The following PTPRC variants were observed in gnomAD, a reference collection of about 807,000 sequenced individuals.
The protein encoded by PTPRC is protein tyrosine phosphatase receptor type C, also known as receptor-type tyrosine-protein phosphatase C.
PTPRC carries 44 observed loss-of-function variants against 155.9 expected under a neutral mutation model. The ratio of observed to expected loss-of-function variants is 0.28; its 90% CI spans 0.22 to 0.36. The LOEUF (loss-of-function observed/expected upper bound fraction) is 0.36, where lower values mean the gene tolerates loss of function less well. Among genes scored for constraint, PTPRC ranks in the 10% least tolerant of loss-of-function variants. The pLI is 1.00. For missense variants in PTPRC, 1,401 were observed against 1,564.6 expected (o/e 0.90, Z 1.76); for synonymous variants, 525 against 533.1 (o/e 0.98, Z 0.21).
intron 2 of PTPRC, among the ~76,000 whole-genome samples, chr1:198,643,862 AAGGG>A (rs1220517142): frequency 6.6e-5 from 10 of 152,074 alleles, no homozygotes; most frequent in African/African-American, 2.4e-4. Context: ...GATTGCTTGC[AAGGG>A]CAGATGGAAT....
intron 2 of PTPRC, among the ~76,000 whole-genome samples, chr1:198,668,217 T>A (rs970940259): frequency 1.3e-5 from 2 of 152,248 alleles, no homozygotes; most frequent in Non-Finnish European, 2.9e-5. Context: ...TCTTTTTTTT[T>A]ATTTTTGTTT....
At chr1:198,728,304 C>A in intron 15 of PTPRC, 36 bp from the exon 16 acceptor site, 1 of 1,544,244 alleles carries the variant, frequency 6.5e-7, no homozygotes, top group Non-Finnish European at 8.9e-7. Flanking sequence ...AGTTATTTGA[C>A]AATCGTTCTC....
intron 7 of PTPRC, among the ~76,000 whole-genome samples, chr1:198,704,193 T>C (rs1558009353): frequency 6.6e-6 from 1 of 152,204 alleles, no homozygotes; most frequent in African/African-American, 2.4e-5. Flanking sequence ...TCAGCCATGT[T>C]GCCATACCGC....
chr1:198,695,588 A>G (rs1308656364), intron 3 of PTPRC, among the ~76,000 whole-genome samples: 2 of 151,994 alleles, frequency 1.3e-5, no homozygotes, highest in Admixed American at 6.6e-5. Context: ...TTTAATCAAC[A>G]GTGCTGATTT....
chr1:198,694,067 C>A, intron 3 of PTPRC: 3 of 1,549,258 alleles, frequency 1.9e-6, no homozygotes, highest in Non-Finnish European at 2.6e-6. Context: ...CACCAAACCT[C>A]AAAAGTAGGG....
intron 14 of PTPRC, among the ~76,000 whole-genome samples, chr1:198,720,389 G>T (rs1443164450): frequency 1.3e-5 from 2 of 152,100 alleles, no homozygotes; most frequent in Non-Finnish European, 2.9e-5. Context: ...GGAGTGAAGT[G>T]GCGTGATCTC....
chr1:198,689,473 C>G (rs1240176341), intron 2 of PTPRC, among the ~76,000 whole-genome samples: 3 of 152,118 alleles, frequency 2.0e-5, no homozygotes, highest in African/African-American at 4.8e-5. Context: ...ATCAGAACAA[C>G]AGAATATAGG....
chr1:198,707,003 T>C (rs1553239239), intron 9 of PTPRC, 51 bp downstream of exon 9: 22 of 1,429,550 alleles, frequency 1.5e-5, no homozygotes, highest in Non-Finnish European at 2.1e-5. Flanking sequence ...AGTACACTTT[T>C]GTGTGTGGTG....
intron 17 of PTPRC, 83 bp from the exon 18 acceptor site, chr1:198,731,534 G>A: frequency 2.0e-6 from 2 of 988,126 alleles, no homozygotes; most frequent in South Asian, 1.3e-5. Flanking sequence ...AAAGGATTGA[G>A]TACACGGTGT....
chr1:198,757,171 A>AACT lies in PTPRC; in HGVS notation c.*991_*993dup, dbSNP rs1655722843. 2 of 151,860 alleles carry AACT rather than the reference A, an allele frequency of 1.3e-5. No individual in the cohort carries two copies. Among genetic ancestry groups the AACT allele is most frequent in the African/African-American group, 4.8e-5 (2 of 41,424 alleles). 9.4% of individuals were successfully genotyped at this position (151,860 alleles called of 1,614,324 possible). ...AGTTCCCATGTTAAATCCCATTCATAACTTTCATTAAAGCATTTACTTTGA... is the reference window on the plus strand; with the variant it reads ...AGTTCCCATGTTAAATCCCATTCATAACTACTTTCATTAAAGCATTTACTTTGA... On this transcript the variant is annotated 3_prime_UTR_variant, in exon 33 of 33. Coordinates refer to ENST00000442510, the MANE Select transcript of PTPRC (RefSeq NM_002838.5).
At chr1:198,721,929 A>C (rs1653908568) in intron 14 of PTPRC, among the ~76,000 whole-genome samples, 1 of 151,300 alleles carries the variant, frequency 6.6e-6, no homozygotes, top group East Asian at 1.9e-4. Context: ...CATTTGTATT[A>C]CATTTTATGA....
chr1:198,728,543 A>T (rs1654247937), intron 16 of PTPRC, 95 bp downstream of exon 16: 3 of 1,465,776 alleles, frequency 2.0e-6, no homozygotes, highest in Non-Finnish European at 2.8e-6. Flanking sequence ...TAAATGAAAT[A>T]TGTGAACTAG....
At chr1:198,663,572 C>T (rs1225749692) in intron 2 of PTPRC, among the ~76,000 whole-genome samples, 1 of 152,178 alleles carries the variant, frequency 6.6e-6, no homozygotes, top group African/African-American at 2.4e-5. Context: ...GACCTGTAGC[C>T]ACCTTCTGAA....
intron 14 of PTPRC, among the ~76,000 whole-genome samples, chr1:198,719,400 G>A (rs921645937): frequency 2.0e-5 from 3 of 152,170 alleles, no homozygotes; most frequent in East Asian, 1.9e-4. Context: ...TGTCACATGC[G>A]TAAAAATGTT....
In PTPRC at chr1:198,750,474, C is replaced by A. The variant is rs773084121; in HGVS notation, c.3073-18C>A. On this transcript the variant is annotated intron_variant, in intron 28 of 32. Transcript: ENST00000442510. ...TCTTCTGTAGTAACGAAGTCCCACC[C>A]TTTTTTTGTCTAAAAAGAGCTACTG... 6.2e-7 allele frequency: 1 copy of A among 1,610,034 alleles called. No homozygotes were observed. The highest frequency in any genetic ancestry group is 2.2e-5 in the East Asian group (1 of 44,794).
chr1:198,686,361 A>G (rs962634748), intron 2 of PTPRC, among the ~76,000 whole-genome samples: 2 of 152,188 alleles, frequency 1.3e-5, no homozygotes, highest in African/African-American at 4.8e-5. Flanking sequence ...CCTTTGACTA[A>G]ATAATGAAAA....
In PTPRC at chr1:198,659,484, G is replaced by A. The variant is rs150643242; in HGVS notation, c.73+20143G>A. 3.6e-3 allele frequency among the ~76,000 whole-genome samples: 542 copies of A among 152,178 alleles called. 3 individuals are homozygous for A. The highest frequency in any genetic ancestry group is 0.011 in the African/African-American group (475 of 41,540). On this transcript the variant is annotated intron_variant, in intron 2 of 32. Transcript: ENST00000442510. ...GAGGACACGATAGTTCGGACTGTCTGAGGAAATCGACAGTGTGTGTTTAAT... is the reference window on the plus strand; with the variant it reads ...GAGGACACGATAGTTCGGACTGTCTAAGGAAATCGACAGTGTGTGTTTAAT...
At chr1:198,745,809 A>G (rs1655112256) in intron 26 of PTPRC, among the ~76,000 whole-genome samples, 1 of 151,770 alleles carries the variant, frequency 6.6e-6, no homozygotes, top group Non-Finnish European at 1.5e-5. Context: ...GAGGTGGAAA[A>G]TAAAAAGCAA....
intron 25 of PTPRC, among the ~76,000 whole-genome samples, chr1:198,743,206 A>C (rs553082251): frequency 1.2e-3 from 181 of 151,964 alleles, no homozygotes; most frequent in African/African-American, 4.3e-3. Flanking sequence ...TTGTGGTAGA[A>C]AGCAATGATC....
Sources: gnomAD v4.1 joint callset for allele counts (sites outside exome capture counted in the v4.1 genomes callset) on GRCh38, gnomAD v4.1.1 for gene constraint, MANE v1.5 for transcripts, NCBI Gene and HGNC (gene_info 2026-07-23, HGNC 2026-07-21) for gene names.